The following STX18 variants were observed in gnomAD, a reference collection of about 807,000 sequenced individuals.
STX18 encodes syntaxin-18.
A neutral mutation model predicts 50.1 loss-of-function variants in STX18; 40 were observed. The observed-to-expected ratio is 0.80, with a 90% CI of 0.62 to 1.04. The LOEUF is 1.04. Ranked by LOEUF, STX18 falls within the 50% of genes least tolerant of loss-of-function variation. The pLI is 0.00. For missense variants in STX18, 410 were observed against 415.8 expected (o/e 0.99, Z 0.12); for synonymous variants, 158 against 151.8 (o/e 1.04, Z -0.30).
chr4:4,523,424 A>T (rs1730609839), intron 1 of STX18, among the ~76,000 whole-genome samples: 1 of 152,208 alleles, frequency 6.6e-6, no homozygotes, highest in African/African-American at 2.4e-5. Context: ...TTCCTGGCTT[A>T]GAAATCTTTC....
chr4:4,532,947 T>C (rs972687600), intron 1 of STX18, among the ~76,000 whole-genome samples: 1 of 152,160 alleles, frequency 6.6e-6, no homozygotes, highest in African/African-American at 2.4e-5. Flanking sequence ...TGTCTCTCTC[T>C]TGGTTAAATA....
chr4:4,541,812 G>A lies in STX18; in HGVS notation c.153C>T (p.Ser51=), dbSNP rs763465020. 1 of 1,609,746 alleles carries A rather than the reference G, an allele frequency of 6.2e-7. No homozygotes were observed. The highest frequency in any genetic ancestry group is 1.1e-5 in the South Asian group (1 of 90,682). ...RSPRPKGDFS[S]RAREVISHIG... ...ACCAGCTCACCACTTCGCGGGCCCG[G>A]CTGGAGAAGTCGCCCTTGGGCCGGG... Residue 51 remains serine, a synonymous_variant, in exon 1 of 11, where the codon AGC becomes AGT. Transcript: ENST00000306200.
chr4:4,523,656 C>T (rs2108909620), intron 1 of STX18, among the ~76,000 whole-genome samples: 1 of 152,328 alleles, frequency 6.6e-6, no homozygotes, highest in South Asian at 2.1e-4. Flanking sequence ...TAGTAACGAG[C>T]TGAGTTCAGG....
intron 1 of STX18, among the ~76,000 whole-genome samples, chr4:4,526,439 C>T (rs138975723): frequency 4.6e-5 from 7 of 152,216 alleles, no homozygotes; most frequent in African/African-American, 1.7e-4. Context: ...GATGTAACTG[C>T]AAAAATGGCA....
At chr4:4,489,102 T>C (rs1728821862) in intron 1 of STX18, among the ~76,000 whole-genome samples, 1 of 152,210 alleles carries the variant, frequency 6.6e-6, no homozygotes, top group African/African-American at 2.4e-5. Flanking sequence ...ATGTTCATTT[T>C]ATCTCAAAGT....
rs550177657 is a variant in STX18 at position 4,447,984 on chromosome 4, T to G, written c.497+9207A>C. Among the ~76,000 whole-genome samples the G allele has an allele frequency of 2.6e-5, 4 of 152,342 alleles. No individual in the cohort carries two copies. In the South Asian group the frequency reaches 8.3e-4, roughly 32 times the overall value. On this transcript the variant is annotated intron_variant, in intron 5 of 10. Coordinates refer to ENST00000306200, the MANE Select transcript of STX18 (RefSeq NM_016930.4). Reference sequence around the variant, plus strand: ...AGGGACTTAGCAGGGTCTTCAGTGCTGGCCCAACTAGCTGCTGATCTTCTG... The same window carrying G: ...AGGGACTTAGCAGGGTCTTCAGTGCGGGCCCAACTAGCTGCTGATCTTCTG...
chr4:4,518,094 T>C (rs533460312), intron 1 of STX18, among the ~76,000 whole-genome samples: 60 of 152,312 alleles, frequency 3.9e-4, no homozygotes, highest in Admixed American at 2.6e-3. Flanking sequence ...TTATAAAATG[T>C]TGCAAATATA....
At chr4:4,457,693 A>G (rs1351940782) in intron 3 of STX18, among the ~76,000 whole-genome samples, 193 bp from the exon 4 acceptor site, 1 of 152,214 alleles carries the variant, frequency 6.6e-6, no homozygotes, top group Non-Finnish European at 1.5e-5. Context: ...GAAAGATTAA[A>G]CCTGTAGAAA....
intron 3 of STX18, among the ~76,000 whole-genome samples, chr4:4,457,825 G>A (rs190113410): frequency 1.3e-5 from 2 of 152,144 alleles, no homozygotes; most frequent in Non-Finnish European, 2.9e-5. Context: ...GACCTTCAGC[G>A]AACATGTTTA....
intron 5 of STX18, among the ~76,000 whole-genome samples, chr4:4,441,784 G>A (rs977743667): frequency 6.6e-6 from 1 of 152,102 alleles, no homozygotes; most frequent in African/African-American, 2.4e-5. Flanking sequence ...AAGCAAGAAT[G>A]GTCAGAAAAA....
chr4:4,476,573 T>A (rs1013749308), intron 1 of STX18, among the ~76,000 whole-genome samples: 1 of 152,252 alleles, frequency 6.6e-6, no homozygotes. Context: ...CTGTATATTG[T>A]TATTTCACTA....
In STX18 at chr4:4,459,228, T is replaced by C. The variant is rs115453957; in HGVS notation, c.352+144A>G. 4,004 of 636,258 alleles carry C rather than the reference T, an allele frequency of 6.3e-3. 44 individuals carry two copies. The highest frequency in any genetic ancestry group is 0.035 in the Admixed American group (1,225 of 35,326). 39.4% of individuals were successfully genotyped at this position (636,258 alleles called of 1,614,324 possible). A position where few individuals can be genotyped will look rare whatever the true frequency, so the allele number is the denominator to read the frequency against. On this transcript the variant is annotated intron_variant, in intron 3 of 10. Transcript: ENST00000306200. Reference sequence around the variant, plus strand: ...ACTTTTAACAGCTTTGGTTAAAACATTGATCAAGAAAGAAAAGATTTTAAC... The same window carrying C: ...ACTTTTAACAGCTTTGGTTAAAACACTGATCAAGAAAGAAAAGATTTTAAC...
chr4:4,481,818 G>C (rs954513784), intron 1 of STX18: 4 of 152,314 alleles, frequency 2.6e-5, no homozygotes, highest in African/African-American at 9.6e-5. Flanking sequence ...ACCCACAAAA[G>C]AGGCTAGCAC....
At position 4,541,905 on chromosome 4, in the gene STX18, G is replaced by A. The variant is rs1394594114; in HGVS notation, c.60C>T (p.Asn20=). The stretch of plus-strand genomic sequence containing the variant: ...CGCCCACCGCCACTCCCAGCGCCTT[G>A]TTCCGCGTCTTCACGGTCTTGACGC... ...RASVKTVKTR[N]KALGVAVGGG... The change falls in exon 1 of 11, where the codon AAC becomes AAT. Residue 20 remains asparagine (N), a synonymous_variant. Coordinates refer to ENST00000306200, the MANE Select transcript of STX18 (RefSeq NM_016930.4). 1.2e-6 allele frequency: 2 copies of A among 1,610,824 alleles called. No individual in the cohort carries two copies. The highest frequency in any genetic ancestry group is 1.3e-5 in the African/African-American group (1 of 74,848).
At chr4:4,497,849 T>C (rs1729250917) in intron 1 of STX18, among the ~76,000 whole-genome samples, 1 of 152,192 alleles carries the variant, frequency 6.6e-6, no homozygotes, top group African/African-American at 2.4e-5. Context: ...CAACTGTATT[T>C]AGAATAAAAT....
intron 1 of STX18, among the ~76,000 whole-genome samples, chr4:4,517,075 C>T (rs1475361760): frequency 6.6e-6 from 1 of 152,170 alleles, no homozygotes; most frequent in Non-Finnish European, 1.5e-5. Context: ...AGTTGGTTCT[C>T]AGGCTTTAGA....
intron 9 of STX18, among the ~76,000 whole-genome samples, chr4:4,421,298 A>G (rs1471137285): frequency 6.6e-6 from 1 of 151,386 alleles, no homozygotes; most frequent in African/African-American, 2.4e-5. Context: ...GTCACATCAC[A>G]CAGCAACCAA....
intron 9 of STX18, among the ~76,000 whole-genome samples, chr4:4,422,916 G>C (rs1261751901): frequency 1.3e-5 from 2 of 152,190 alleles, no homozygotes; most frequent in African/African-American, 2.4e-5. Flanking sequence ...AAAAATAAAA[G>C]GGCAAATTTA....
chr4:4,470,343 A>T (rs903487207), intron 2 of STX18, among the ~76,000 whole-genome samples: 1 of 152,210 alleles, frequency 6.6e-6, no homozygotes, highest in Non-Finnish European at 1.5e-5. Context: ...GTCTCCAGAC[A>T]TTGCCAAATG....
Sources: allele counts gnomAD v4.1 joint callset (sites outside exome capture counted in the v4.1 genomes callset), GRCh38; gene constraint gnomAD v4.1.1; transcripts MANE v1.5; gene names NCBI Gene and HGNC (gene_info 2026-07-23, HGNC 2026-07-21).